RTL1: variants seen among roughly 807,000 people sequenced by gnomAD.
RTL1 encodes the protein retrotransposon-like protein 1.
For missense variants in RTL1, 1,681 were observed against 1,767.5 expected (o/e 0.95, Z 0.88); for synonymous variants, 727 against 748.4 (o/e 0.97, Z 0.47).
rs774379653 is a variant in RTL1, at chr14:100,884,357, C to T, written c.432G>A (p.Ser144=). ...GCTCTTGAGGAGTCTCCTCCCTTCC[C>T]GATTCCTTCAGGTCAGTGTGAGCCT... ...EQEAHTDLKE[S]GREETPQEQN... The change falls in exon 4 of 4, where the codon TCG becomes TCA. Residue 144 remains serine, a synonymous_variant. Transcript: ENST00000649591. The T allele has an allele frequency of 1.3e-5, 21 of 1,559,300 alleles. No homozygotes were observed. Among genetic ancestry groups the T allele is most frequent in the African/African-American group, 6.8e-5 (5 of 73,470 alleles).
Position 100,884,678 on chromosome 14 carries a change from C to A in RTL1, c.111G>T (p.Ser37=), listed in dbSNP as rs776009747. 5.0e-6 allele frequency: 8 copies of A among 1,613,702 alleles called. 1 individual carries two copies. Among genetic ancestry groups the A allele is most frequent in the South Asian group, 4.4e-5 (4 of 91,036 alleles). ...CTGCCTCTCCCCGCACTCCACTGCC[C>A]GACGTCGCCTCGGTGGTGTTGGATG... ...EGSSNTTEAT[S]GSGVRGEAGP... The change falls in exon 4 of 4, where the codon TCG becomes TCT. Residue 37 remains serine (S), a synonymous_variant. Coordinates refer to ENST00000649591, the MANE Select transcript of RTL1 (RefSeq NM_001134888.3).
chr14:100,894,324 AAAGAAAAAAAAAG>A (rs1166951563), intron 2 of RTL1, among the ~76,000 whole-genome samples: 2 of 136,100 alleles, frequency 1.5e-5, no homozygotes, highest in African/African-American at 5.9e-5. Context: ...AAAAAAAAAA[AAAGAAAAAAAAAG>A]AAAAGAAAAA....
chr14:100,894,270 AC>A (rs1272891295), intron 2 of RTL1, among the ~76,000 whole-genome samples: 1 of 147,904 alleles, frequency 6.8e-6, no homozygotes, highest in East Asian at 2.0e-4. Flanking sequence ...AGATCATGCC[AC>A]TGCACTCCAA....
chr14:100,897,901 A>G (rs1192900152), intron 2 of RTL1: 4 of 506,818 alleles, frequency 7.9e-6, no homozygotes, highest in Non-Finnish European at 1.2e-5. Flanking sequence ...TAAATTAGCA[A>G]AATAAAAGGG....
At chr14:100,890,914 T>C (rs975106104) in intron 3 of RTL1, among the ~76,000 whole-genome samples, 3 of 152,174 alleles carry the variant, frequency 2.0e-5, no homozygotes, top group Admixed American at 2.0e-4. Context: ...TATTTATCGA[T>C]TATTATTATT....
Position 100,903,684 on chromosome 14 carries a change from G to C in RTL1, c.-324C>G, listed in dbSNP as rs146540502. On this transcript the variant is annotated 5_prime_UTR_variant, in exon 1 of 4. Coordinates refer to ENST00000649591, the MANE Select transcript of RTL1 (RefSeq NM_001134888.3). Reference sequence around the variant, plus strand: ...CTCCCCACCACACCCTGCTGCTGAAGGCTGCTCAGCGAGGCTGTGCCGAGT... The same window carrying C: ...CTCCCCACCACACCCTGCTGCTGAACGCTGCTCAGCGAGGCTGTGCCGAGT... 1.4e-4 allele frequency among the ~76,000 whole-genome samples: 21 copies of C among 152,300 alleles called. No homozygotes were observed. The highest frequency in any genetic ancestry group is 3.4e-3 in the Middle Eastern group (1 of 294).
rs1010038731 is a variant in RTL1, at chr14:100,893,277, A to G, written c.-87+167T>C. On this transcript the variant is annotated intron_variant, in intron 3 of 3. Transcript: ENST00000649591. The surrounding 1 kb of genome is among the most constrained non-coding windows in gnomAD (Gnocchi z 4.2). Reference sequence around the variant, plus strand: ...ATTATAGCTGCTCAAGTATTTGAATAGAGGCCTTGAGTACACACCACCATG... The same window carrying G: ...ATTATAGCTGCTCAAGTATTTGAATGGAGGCCTTGAGTACACACCACCATG... Among the ~76,000 whole-genome samples the G allele has an allele frequency of 2.2e-4, 34 of 152,198 alleles. No homozygotes were observed. The highest frequency in any genetic ancestry group is 8.2e-4 in the African/African-American group (34 of 41,434).
chr14:100,884,281 T>C lies in RTL1; in HGVS notation c.508A>G (p.Ile170Val), dbSNP rs996849575. The change falls in exon 4 of 4, where the codon ATC (isoleucine) becomes GTC (valine). Residue 170 changes from isoleucine to valine, a missense_variant. Physicochemically the swap from Ile to Val is conservative, Grantham distance 29. Coordinates refer to ENST00000649591, the MANE Select transcript of RTL1 (RefSeq NM_001134888.3). ...TGCATTCGGAAGTACAGCGAGATGA[T>C]GGACCTCACCATGGCCATAAGTTCT... ...TAELMAMVRS[I>V]ISLYFRMQDL... 5 of 1,551,730 alleles carry C rather than the reference T, an allele frequency of 3.2e-6. No homozygotes were observed. The African/African-American group carries it at 5.5e-5, about 17-fold the overall frequency.
intron 2 of RTL1, among the ~76,000 whole-genome samples, chr14:100,901,753 G>A (rs539259520): frequency 6.6e-6 from 1 of 152,248 alleles, no homozygotes; most frequent in South Asian, 2.1e-4. Context: ...GCCCTCAAGA[G>A]GGGAGTTGGC....
At chr14:100,890,182 AC>A (rs1566757685) in intron 3 of RTL1, among the ~76,000 whole-genome samples, 1 of 150,954 alleles carries the variant, frequency 6.6e-6, no homozygotes, top group Non-Finnish European at 1.5e-5. Flanking sequence ...CACTCAAGAG[AC>A]AGACGCCCCA....
At chr14:100,900,047 C>G (rs1015491345) in intron 2 of RTL1, among the ~76,000 whole-genome samples, 2 of 152,248 alleles carry the variant, frequency 1.3e-5, no homozygotes, top group Admixed American at 1.3e-4. Flanking sequence ...AGGGGCTGCC[C>G]TACCACTTTG....
At position 100,881,458 on chromosome 14, in the gene RTL1, G is replaced by A; in HGVS notation, c.3331C>T (p.Pro1111Ser). The A allele has an allele frequency of 1.3e-6, 2 of 1,550,692 alleles. No homozygotes were observed. The highest frequency in any genetic ancestry group is 1.7e-6 in the Non-Finnish European group (2 of 1,146,930). ...VRQCLSLRPAPAMRVARPQPQ... is the reference protein window; with the variant it reads ...VRQCLSLRPASAMRVARPQPQ... ...TGGGGCCGAGCCACCCGCATGGCGG[G>A]TGCCGGCCGCAGCGAGAGGCATTGC... is the stretch of plus-strand genomic sequence containing the variant. Residue 1111 changes from proline (P) to serine (S), a missense_variant, in exon 4 of 4, where the codon CCC becomes TCC. Physicochemically the swap from Pro to Ser is moderately conservative, Grantham distance 74. Transcript: ENST00000649591. The surrounding 1 kb of genome is among the most constrained non-coding windows in gnomAD (Gnocchi z 6.6).
chr14:100,880,975 T>G lies in RTL1; in HGVS notation c.3814A>C (p.Thr1272Pro), dbSNP rs2038599937. The change falls in exon 4 of 4, where the codon ACA becomes CCA. Residue 1272 changes from threonine to proline, a missense_variant. Thr to Pro is a conservative substitution (Grantham distance 38). Transcript: ENST00000649591. ...GGGCGGGGTGGGTGGGTGGCTGCTG[T>G]GTGGCTGGGTGGGGCCTCCTGCACG... ...NDVQEAPPSH[T>P]AATHPPRPRH... 1 of 1,557,726 alleles carries G rather than the reference T, an allele frequency of 6.4e-7. No homozygotes were observed.
In RTL1 at chr14:100,880,983, G is replaced by T; in HGVS notation, c.3806C>A (p.Pro1269His). The change falls in exon 4 of 4, where the codon CCC becomes CAC. Residue 1269 changes from proline (P) to histidine (H), a missense_variant. Coordinates refer to ENST00000649591, the MANE Select transcript of RTL1 (RefSeq NM_001134888.3). The part of the protein sequence containing the change: ...KQDNDVQEAP[P>H]SHTAATHPPR... The stretch of plus-strand genomic sequence containing the variant: ...TGGGTGGGTGGCTGCTGTGTGGCTG[G>T]GTGGGGCCTCCTGCACGTCGTTGTC... 2 of 1,560,898 alleles carry T rather than the reference G, an allele frequency of 1.3e-6. No homozygotes were observed. The highest frequency in any genetic ancestry group is 1.7e-6 in the Non-Finnish European group (2 of 1,153,140).
intron 2 of RTL1, among the ~76,000 whole-genome samples, chr14:100,898,693 A>G (rs2038902032): frequency 6.6e-6 from 1 of 152,070 alleles, no homozygotes; most frequent in Non-Finnish European, 1.5e-5. Context: ...CGGGCTCCCT[A>G]CTTCTTAGGC....
In RTL1 at chr14:100,883,214, G is replaced by A. The variant is rs1455720624; in HGVS notation, c.1575C>T (p.Phe525=). 6.4e-7 allele frequency: 1 copy of A among 1,555,436 alleles called. No individual in the cohort carries two copies. Among genetic ancestry groups the A allele is most frequent in the Non-Finnish European group, 8.7e-7 (1 of 1,148,514 alleles). The change falls in exon 4 of 4, where the codon TTC becomes TTT. Residue 525 remains phenylalanine, a synonymous_variant. Transcript: ENST00000649591. The surrounding 1 kb of genome is among the most constrained non-coding windows in gnomAD (Gnocchi z 5.9). ...AGTTCTTCAGGCAGTAGGGAGAGTG[G>A]AAGGTGCAGCGGCCTTTGATCCAGT... ...EVDWIKGRCT[F]HSPYCLKNCF... is the part of the protein sequence containing the mutation.
intron 2 of RTL1, among the ~76,000 whole-genome samples, chr14:100,901,491 C>T (rs1392288412): frequency 6.6e-6 from 1 of 152,226 alleles, no homozygotes; most frequent in Non-Finnish European, 1.5e-5. Context: ...GGGCTGCATT[C>T]ATCAGCAGGC....
Position 100,893,202 on chromosome 14 carries a change from G to C in RTL1, c.-87+242C>G, listed in dbSNP as rs1449703198. 6.6e-6 allele frequency among the ~76,000 whole-genome samples: 1 copy of C among 152,196 alleles called. No homozygotes were observed. The highest frequency in any genetic ancestry group is 2.1e-4 in the South Asian group (1 of 4,820). On this transcript the variant is annotated intron_variant, in intron 3 of 3. Transcript: ENST00000649591. This position sits in a 1 kb window ranked among gnomAD's most constrained non-coding sequence, Gnocchi z 4.2. ...TTGCTGTCATTCCCAACTCATTCTA[G>C]CTTATTTGGTGTTCGAGGAGGGACA...
At chr14:100,891,453 C>T (rs968612312) in intron 3 of RTL1, among the ~76,000 whole-genome samples, 1 of 152,164 alleles carries the variant, frequency 6.6e-6, no homozygotes, top group African/African-American at 2.4e-5. Flanking sequence ...CCCAAACCAC[C>T]CAGCAGGGTG....
Sources: allele counts gnomAD v4.1 joint callset (sites outside exome capture counted in the v4.1 genomes callset), GRCh38; gene constraint gnomAD v4.1.1; non-coding constraint Gnocchi (gnomAD v3.1); transcripts MANE v1.5; gene names NCBI Gene and HGNC (gene_info 2026-07-23, HGNC 2026-07-21).